Variants in LTBP1 observed in about 807,000 individuals in gnomAD.
LTBP1 encodes the protein latent-transforming growth factor beta-binding protein 1.
LTBP1 carries 129 observed loss-of-function variants against 207.6 expected under a neutral mutation model. The ratio of observed to expected loss-of-function variants is 0.62; its 90% CI spans 0.54 to 0.72. The LOEUF is 0.72. Among genes scored for constraint, LTBP1 ranks in the 30% least tolerant of loss-of-function variants. The probability of loss-of-function intolerance (pLI) is 0.00; values close to 1 mark genes in which losing one functional copy is unlikely to be tolerated. For missense variants in LTBP1, 2,281 were observed against 2,217.2 expected (o/e 1.03, Z -0.58); for synonymous variants, 963 against 833.7 (o/e 1.16, Z -2.67).
At chr2:33,050,264 G>A (rs868694604) in intron 3 of LTBP1, among the ~76,000 whole-genome samples, 6 of 151,362 alleles carry the variant, frequency 4.0e-5, no homozygotes, top group African/African-American at 1.5e-4. Context: ...TTTCTGAGGG[G>A]TTGAGGAATG....
intron 26 of LTBP1, among the ~76,000 whole-genome samples, chr2:33,357,804 A>T (rs907802439): frequency 6.6e-6 from 1 of 152,244 alleles, no homozygotes; most frequent in Non-Finnish European, 1.5e-5. Context: ...GATATGTAGT[A>T]CAGCTAATCT....
At chr2:32,964,557 C>T (rs1312493088) in intron 2 of LTBP1, among the ~76,000 whole-genome samples, 5 of 151,718 alleles carry the variant, frequency 3.3e-5, no homozygotes, top group African/African-American at 1.2e-4. Context: ...TTTTTCTTCC[C>T]AGTGCCAGTA....
chr2:33,120,379 T>C (rs1437973575), intron 4 of LTBP1, among the ~76,000 whole-genome samples: 1 of 152,200 alleles, frequency 6.6e-6, no homozygotes, highest in Admixed American at 6.5e-5. Flanking sequence ...TGTTGTTCCC[T>C]TCTTTGTGTT....
At chr2:33,385,834 T>A (rs770466038) in intron 31 of LTBP1, among the ~76,000 whole-genome samples, 5 of 152,164 alleles carry the variant, frequency 3.3e-5, no homozygotes, top group Non-Finnish European at 7.3e-5. Flanking sequence ...TTAGCACATC[T>A]TCAGATACAG....
At chr2:33,006,065 A>C (rs1241636790) in intron 2 of LTBP1, among the ~76,000 whole-genome samples, 2 of 150,424 alleles carry the variant, frequency 1.3e-5, no homozygotes, top group African/African-American at 4.8e-5. Flanking sequence ...GATGACAAAT[A>C]CTGGCAAGAA....
At chr2:33,213,010 T>A (rs921064986) in intron 7 of LTBP1, among the ~76,000 whole-genome samples, 2 of 152,196 alleles carry the variant, frequency 1.3e-5, no homozygotes, top group African/African-American at 4.8e-5. Flanking sequence ...ACTGCCATCA[T>A]GTCTGCACGT....
At chr2:33,088,445 C>G (rs2078882031) in intron 3 of LTBP1, among the ~76,000 whole-genome samples, 1 of 151,756 alleles carries the variant, frequency 6.6e-6, no homozygotes, top group Non-Finnish European at 1.5e-5. Flanking sequence ...GGGCGAGACT[C>G]CATCTCAAAA....
At chr2:32,978,298 T>C (rs994812282) in intron 2 of LTBP1, among the ~76,000 whole-genome samples, 1 of 152,214 alleles carries the variant, frequency 6.6e-6, no homozygotes, top group South Asian at 2.1e-4. Flanking sequence ...GTTCCAGATC[T>C]TTTCCCCATT....
intron 12 of LTBP1, among the ~76,000 whole-genome samples, chr2:33,258,083 G>C (rs2092911293): frequency 6.6e-6 from 1 of 152,196 alleles, no homozygotes; most frequent in East Asian, 1.9e-4. Context: ...AATGGGACCT[G>C]TGACCACGGA....
At chr2:33,152,566 G>A (rs1190777184) in intron 5 of LTBP1, among the ~76,000 whole-genome samples, 4 of 152,124 alleles carry the variant, frequency 2.6e-5, no homozygotes, top group Non-Finnish European at 5.9e-5. Context: ...CCACTACTGG[G>A]TATCAACCCA....
chr2:33,387,657 G>A lies in LTBP1; in HGVS notation c.4712-1527G>A, dbSNP rs574102755. 7.9e-5 allele frequency among the ~76,000 whole-genome samples: 12 copies of A among 152,006 alleles called. No individual in the cohort carries two copies. The South Asian group carries it at 1.9e-3, about 24-fold the overall frequency. ...ATGCATACACACACACCTTTGATTCGTCACCCTCATTCCTCCAGTCATTTA... is the reference window on the plus strand; with the variant it reads ...ATGCATACACACACACCTTTGATTCATCACCCTCATTCCTCCAGTCATTTA... On this transcript the variant is annotated intron_variant, in intron 31 of 33. Transcript: ENST00000404816.
At chr2:33,295,022 A>G (rs2093848167) in intron 20 of LTBP1, among the ~76,000 whole-genome samples, 2 of 151,786 alleles carry the variant, frequency 1.3e-5, no homozygotes, top group Non-Finnish European at 2.9e-5. Context: ...ACAGGAGAAC[A>G]TTCTCATTTC....
Position 33,128,158 on chromosome 2 carries a change from T to C in LTBP1, c.1034-6635T>C, listed in dbSNP as rs963928080. Among the ~76,000 whole-genome samples, 21 of 152,176 alleles carry C rather than the reference T, an allele frequency of 1.4e-4. No individual in the cohort carries two copies. The East Asian group carries it at 4.0e-3, about 29-fold the overall frequency. On this transcript the variant is annotated intron_variant, in intron 4 of 33. Coordinates refer to ENST00000404816, the MANE Select transcript of LTBP1 (RefSeq NM_206943.4). Reference sequence around the variant, plus strand: ...CAAATAGCCCAGTAGATATCTATCATTTAGTCAGACATGCTTCTCCACATA... The same window carrying C: ...CAAATAGCCCAGTAGATATCTATCACTTAGTCAGACATGCTTCTCCACATA...
rs575441085 is a variant in LTBP1 at position 33,211,879 on chromosome 2, G to A, written c.1702-5673G>A. Reference sequence around the variant, plus strand: ...AACTATCTTTCCTCTCACATTGATAGGCAGATGTAAAAGTGTCTATGATCA... The same window carrying A: ...AACTATCTTTCCTCTCACATTGATAAGCAGATGTAAAAGTGTCTATGATCA... On this transcript the variant is annotated intron_variant, in intron 7 of 33. Coordinates refer to ENST00000404816, the MANE Select transcript of LTBP1 (RefSeq NM_206943.4). 1.4e-3 allele frequency among the ~76,000 whole-genome samples: 215 copies of A among 152,098 alleles called. 1 individual carries two copies. The highest frequency in any genetic ancestry group is 4.9e-3 in the African/African-American group (204 of 41,490).
At chr2:33,371,257 T>C (rs2095063835) in intron 31 of LTBP1, among the ~76,000 whole-genome samples, 1 of 152,254 alleles carries the variant, frequency 6.6e-6, no homozygotes, top group Non-Finnish European at 1.5e-5. Flanking sequence ...TATCATGGAC[T>C]GACTGTCTCC....
intron 2 of LTBP1, among the ~76,000 whole-genome samples, chr2:32,987,220 CAGA>C (rs1221473689): frequency 2.0e-5 from 3 of 152,024 alleles, no homozygotes; most frequent in African/African-American, 7.3e-5. Context: ...GGTATAGTTG[CAGA>C]AGATGTGGTT....
intron 9 of LTBP1, 112 bp downstream of exon 9, chr2:33,222,263 C>A: frequency 1.4e-6 from 1 of 729,578 alleles, no homozygotes; most frequent in South Asian, 1.5e-5. Context: ...AGTGAACCAC[C>A]TCATGTTCAC....
chr2:33,357,187 G>A (rs565423158), intron 26 of LTBP1, among the ~76,000 whole-genome samples: 10 of 152,126 alleles, frequency 6.6e-5, no homozygotes, highest in Non-Finnish European at 1.3e-4. Flanking sequence ...ACAAGCAAAT[G>A]GCCCACACCC....
chr2:33,310,922 TC>T (rs1456885118), intron 23 of LTBP1, among the ~76,000 whole-genome samples: 2 of 152,220 alleles, frequency 1.3e-5, no homozygotes, highest in African/African-American at 2.4e-5. Flanking sequence ...GTTATTTTTT[TC>T]TTATTGTTTA....
Sources: allele counts gnomAD v4.1 joint callset (sites outside exome capture counted in the v4.1 genomes callset), GRCh38; gene constraint gnomAD v4.1.1; transcripts MANE v1.5; gene names NCBI Gene and HGNC (gene_info 2026-07-23, HGNC 2026-07-21).